The following GMDS variants were observed in gnomAD, a reference collection of about 807,000 sequenced individuals.
GMDS encodes GDP-mannose 4,6-dehydratase.
A neutral mutation model predicts 49.9 loss-of-function variants in GMDS; 20 were observed. The observed-to-expected ratio is 0.40, with a 90% CI of 0.28 to 0.58. The LOEUF (loss-of-function observed/expected upper bound fraction) is 0.58. GMDS is among the 20% of genes least tolerant of loss of function. The pLI is 0.42. For synonymous variants in GMDS, 177 were observed against 178.6 expected, an observed-to-expected ratio of 0.99 and a Z score of 0.07; for missense variants, 362 against 481.4, an observed-to-expected ratio of 0.75 and a Z score of 2.32.
chr6:1,993,826 T>C (rs188731362), intron 4 of GMDS, among the ~76,000 whole-genome samples: 13 of 152,052 alleles, frequency 8.5e-5, no homozygotes, highest in Admixed American at 8.5e-4. Context: ...CAGCCACGTA[T>C]GGAATGTGAG....
At chr6:1,720,747 T>G (rs1260425507) in intron 9 of GMDS, among the ~76,000 whole-genome samples, 1 of 152,104 alleles carries the variant, frequency 6.6e-6, no homozygotes, top group African/African-American at 2.4e-5. Flanking sequence ...CTCCCGCTGG[T>G]CAGAGAAAGG....
At chr6:2,003,734 G>C (rs1200589080) in intron 4 of GMDS, among the ~76,000 whole-genome samples, 1 of 152,124 alleles carries the variant, frequency 6.6e-6, no homozygotes, top group African/African-American at 2.4e-5. Flanking sequence ...GTGCAATAAG[G>C]AAGGATAAAA....
chr6:2,027,662 T>C (rs573875039), intron 4 of GMDS, among the ~76,000 whole-genome samples: 1 of 152,140 alleles, frequency 6.6e-6, no homozygotes, highest in South Asian at 2.1e-4. Flanking sequence ...TGTAAGGAAA[T>C]AGCAGAGTAC....
At chr6:1,802,450 T>G (rs905016730) in intron 7 of GMDS, among the ~76,000 whole-genome samples, 17 of 152,240 alleles carry the variant, frequency 1.1e-4, no homozygotes, top group African/African-American at 3.9e-4. Context: ...GCTTTAGGTC[T>G]AAAAGATTTT....
At chr6:1,713,114 T>C (rs901056559) in intron 9 of GMDS, among the ~76,000 whole-genome samples, 8 of 152,210 alleles carry the variant, frequency 5.3e-5, no homozygotes, top group East Asian at 1.9e-4. Flanking sequence ...GGTAGATCCA[T>C]AGTGGCCACT....
chr6:1,858,656 C>A (rs925688417), intron 7 of GMDS, among the ~76,000 whole-genome samples: 2 of 151,846 alleles, frequency 1.3e-5, no homozygotes, highest in Admixed American at 1.3e-4. Context: ...AGAGCAAATT[C>A]AAATGTTTAT....
chr6:2,231,423 A>G (rs1257983143), intron 1 of GMDS, among the ~76,000 whole-genome samples: 1 of 152,094 alleles, frequency 6.6e-6, no homozygotes, highest in African/African-American at 2.4e-5. Flanking sequence ...AAGTAGCCAG[A>G]TATGGTAGAA....
chr6:1,857,447 T>C (rs890535568), intron 7 of GMDS, among the ~76,000 whole-genome samples: 1 of 152,198 alleles, frequency 6.6e-6, no homozygotes, highest in Non-Finnish European at 1.5e-5. Flanking sequence ...TCTGCTCTAG[T>C]ATCTTTATCT....
chr6:2,221,657 G>C (rs1780598354), intron 1 of GMDS, among the ~76,000 whole-genome samples: 1 of 152,160 alleles, frequency 6.6e-6, no homozygotes, highest in African/African-American at 2.4e-5. Flanking sequence ...CAAAGTGCTG[G>C]GATTACAGGA....
At chr6:2,171,601 A>C (rs867491346) in intron 1 of GMDS, among the ~76,000 whole-genome samples, 1 of 152,356 alleles carries the variant, frequency 6.6e-6, no homozygotes, top group Middle Eastern at 3.4e-3. Context: ...GGATTTAATA[A>C]AGAGAAAATA....
intron 7 of GMDS, among the ~76,000 whole-genome samples, chr6:1,844,910 A>C (rs1029328406): frequency 6.6e-6 from 1 of 152,244 alleles, no homozygotes; most frequent in African/African-American, 2.4e-5. Flanking sequence ...CTTCTTTATA[A>C]GAATGGATAA....
intron 1 of GMDS, among the ~76,000 whole-genome samples, chr6:2,164,529 G>A (rs535039122): frequency 6.6e-6 from 1 of 152,156 alleles, no homozygotes; most frequent in African/African-American, 2.4e-5. Flanking sequence ...ACTCCCATTG[G>A]GGGTGGAGAG....
chr6:1,858,463 A>G (rs963944747), intron 7 of GMDS, among the ~76,000 whole-genome samples: 2 of 152,220 alleles, frequency 1.3e-5, no homozygotes, highest in South Asian at 2.1e-4. Context: ...AAACCTTTCA[A>G]TAACAATGCT....
At chr6:1,672,808 C>T (rs1484218832) in intron 9 of GMDS, among the ~76,000 whole-genome samples, 1 of 152,212 alleles carries the variant, frequency 6.6e-6, no homozygotes, top group Admixed American at 6.5e-5. Context: ...CTGTCTGACG[C>T]TGCATTCTTC....
chr6:2,180,674 T>G (rs1191052778), intron 1 of GMDS, among the ~76,000 whole-genome samples: 2 of 152,184 alleles, frequency 1.3e-5, no homozygotes, highest in African/African-American at 4.8e-5. Context: ...GAGCAAGATG[T>G]CACCTTGGAA....
intron 2 of GMDS, among the ~76,000 whole-genome samples, chr6:2,121,794 G>A (rs1334779187): frequency 6.6e-6 from 1 of 152,096 alleles, no homozygotes; most frequent in Admixed American, 6.6e-5. Flanking sequence ...CCATACACAG[G>A]GTTTGTTTTT....
At chr6:1,784,399 A>AAAAAGG in intron 7 of GMDS, among the ~76,000 whole-genome samples, 1 of 147,148 alleles carries the variant, frequency 6.8e-6, no homozygotes, top group Non-Finnish European at 1.5e-5. Flanking sequence ...TCAAAAAAAA[A>AAAAAGG]AAAAAAAAAA....
intron 1 of GMDS, among the ~76,000 whole-genome samples, chr6:2,175,648 C>T (rs1778247679): frequency 6.6e-6 from 1 of 152,224 alleles, no homozygotes; most frequent in Non-Finnish European, 1.5e-5. Context: ...CCAAGCCTCA[C>T]AGAACAGAGC....
chr6:2,111,452 A>G, intron 4 of GMDS, among the ~76,000 whole-genome samples: 1 of 152,236 alleles, frequency 6.6e-6, no homozygotes, highest in Non-Finnish European at 1.5e-5. Flanking sequence ...GTCTTCAGTC[A>G]GTATTTCCCA....
Sources: gnomAD v4.1 joint callset for allele counts (sites outside exome capture counted in the v4.1 genomes callset) on GRCh38, gnomAD v4.1.1 for gene constraint, MANE v1.5 for transcripts, NCBI Gene and HGNC (gene_info 2026-07-23, HGNC 2026-07-21) for gene names.